Variants in FOXN3 observed in about 807,000 individuals in gnomAD.
FOXN3 encodes forkhead box N3, also known as forkhead box protein N3.
FOXN3 carries 7 observed loss-of-function variants against 38.4 expected under a neutral mutation model. The observed-to-expected ratio is 0.18, with a 90% confidence interval of 0.10 to 0.34. The LOEUF (loss-of-function observed/expected upper bound fraction) is 0.34. Among genes scored for constraint, FOXN3 ranks in the 10% least tolerant of loss-of-function variants. The pLI is 1.00. For missense variants in FOXN3, 456 were observed against 613.4 expected, an observed-to-expected ratio of 0.74 and a Z score of 2.71; for synonymous variants, 230 against 242.2, an observed-to-expected ratio of 0.95 and a Z score of 0.47.
At chr14:89,369,879 T>A (rs755338408) in intron 2 of FOXN3, among the ~76,000 whole-genome samples, 4 of 152,202 alleles carry the variant, frequency 2.6e-5, no homozygotes, top group Non-Finnish European at 4.4e-5. Context: ...GAAAGTAAAG[T>A]TCAGACAAGT....
chr14:89,181,066 GCA>G (rs900899439), intron 4 of FOXN3, among the ~76,000 whole-genome samples: 12 of 148,502 alleles, frequency 8.1e-5, no homozygotes, highest in African/African-American at 2.7e-4. Flanking sequence ...ATACAGACAT[GCA>G]CACACACACG....
chr14:89,162,432 C>G lies in FOXN3; in HGVS notation c.1389G>C (p.Lys463Asn). The change falls in exon 6 of 6, where the codon AAG becomes AAC. Residue 463 changes from lysine to asparagine, a missense_variant. Around this residue, in one of 3 missense-constraint regions of FOXN3, gnomAD observed 386 missense variants for 505.2 expected, o/e 0.76. Transcript: ENST00000557258. This position sits in a 1 kb window ranked among gnomAD's most constrained non-coding sequence, Gnocchi z 7.2. ...NRTAKGQKEQKETTKN is the reference protein window; with the variant it reads ...NRTAKGQKEQNETTKN The stretch of plus-strand genomic sequence containing the variant: ...CTTGTTTTTAATTTTTTGTGGTTTC[C>G]TTTTGCTCTTTCTGCCCCTTTGCCG... 1 of 1,565,142 alleles carries G rather than the reference C, an allele frequency of 6.4e-7. No homozygotes were observed. Among genetic ancestry groups the G allele is most frequent in the Non-Finnish European group, 8.6e-7 (1 of 1,156,650 alleles).
At chr14:89,203,085 TG>T (rs144245617) in intron 4 of FOXN3, among the ~76,000 whole-genome samples, 584 of 29,110 alleles carry the variant, frequency 0.02, 4 homozygotes, top group Middle Eastern at 0.2. Flanking sequence ...CCAGGGAATG[TG>T]GGGGGGGTGG....
At chr14:89,613,594 T>C (rs1352516568) in intron 1 of FOXN3, among the ~76,000 whole-genome samples, 1 of 152,208 alleles carries the variant, frequency 6.6e-6, no homozygotes, top group East Asian at 1.9e-4. Flanking sequence ...GCTAGTTTCA[T>C]CTTTGTAAAG....
At chr14:89,310,171 A>G (rs1233724813) in intron 3 of FOXN3, among the ~76,000 whole-genome samples, 2 of 152,182 alleles carry the variant, frequency 1.3e-5, no homozygotes, top group Non-Finnish European at 2.9e-5. Context: ...GCTACAATGA[A>G]TAGCTTAGGG....
At chr14:89,517,873 G>A (rs1894237335) in intron 1 of FOXN3, among the ~76,000 whole-genome samples, 1 of 152,136 alleles carries the variant, frequency 6.6e-6, no homozygotes, top group Non-Finnish European at 1.5e-5. Context: ...CGTGTGTATT[G>A]GCCTGTAAGT....
chr14:89,471,859 G>A (rs888461233), intron 1 of FOXN3, among the ~76,000 whole-genome samples: 8 of 152,162 alleles, frequency 5.3e-5, no homozygotes, highest in Admixed American at 1.3e-4. Context: ...CCTCGGCCAC[G>A]GAGATGAGGA....
At chr14:89,583,148 G>A (rs79095230) in intron 1 of FOXN3, among the ~76,000 whole-genome samples, 3,718 of 152,270 alleles carry the variant, frequency 0.024, 57 homozygotes, top group African/African-American at 0.034. Context: ...TGACTGTAAT[G>A]AGTAGATCAT....
intron 1 of FOXN3, among the ~76,000 whole-genome samples, chr14:89,492,959 G>A (rs1461676633): frequency 1.3e-5 from 2 of 152,114 alleles, no homozygotes; most frequent in African/African-American, 2.4e-5. Flanking sequence ...CAGAAACTCC[G>A]AGCGCCTCAG....
chr14:89,617,059 A>G (rs984906685), intron 1 of FOXN3, among the ~76,000 whole-genome samples: 33 of 152,026 alleles, frequency 2.2e-4, no homozygotes, highest in African/African-American at 7.0e-4. Context: ...TGGTCATGGT[A>G]GAGTATGTAT....
chr14:89,589,440 C>A lies in FOXN3; in HGVS notation c.-15+29588G>T, dbSNP rs182307307. ...ATCTCAAGATGGCAGAAGGCACCAC[C>A]AGTTCCTTGAGCCTGGTCGTGGTAG... On this transcript the variant is annotated intron_variant, in intron 1 of 6. Coordinates refer to the FOXN3 transcript ENST00000345097. Among the ~76,000 whole-genome samples the A allele has an allele frequency of 1.1e-4, 17 of 152,298 alleles. No individual in the cohort carries two copies. In the East Asian group the frequency reaches 3.3e-3, roughly 29 times the overall value.
chr14:89,486,771 C>T (rs752691178), intron 1 of FOXN3: 16 of 152,152 alleles, frequency 1.1e-4, no homozygotes, highest in Non-Finnish European at 1.5e-4. Flanking sequence ...TAGAAAATGA[C>T]GCACTTCAGT....
At chr14:89,546,329 C>CTTTCTTTTTTTTTTTTTT (rs1555359724) in intron 1 of FOXN3, among the ~76,000 whole-genome samples, 19 of 78,330 alleles carry the variant, frequency 2.4e-4, no homozygotes, top group African/African-American at 1.0e-3. Context: ...TTTCCTTTTT[C>CTTTCTTTTTTTTTTTTTT]TTTTTTTTTT....
intron 2 of FOXN3, among the ~76,000 whole-genome samples, chr14:89,405,159 CAG>C (rs1204418212): frequency 6.6e-6 from 1 of 152,040 alleles, no homozygotes; most frequent in African/African-American, 2.4e-5. Flanking sequence ...CTTTTTGAGA[CAG>C]AGTCTCACTC....
In FOXN3 at chr14:89,511,141, T is replaced by TTTCTTTCTTTCTTTCTTTCTTTC. The variant is rs1555358045; in HGVS notation, c.-14-98652_-14-98651insGAAAGAAAGAAAGAAAGAAAGAA. Among the ~76,000 whole-genome samples, 2 of 20,996 alleles carry TTTCTTTCTTTCTTTCTTTCTTTC rather than the reference T, an allele frequency of 9.5e-5. 1 individual carries two copies. Among genetic ancestry groups the TTTCTTTCTTTCTTTCTTTCTTTC allele is most frequent in the African/African-American group, 1.9e-4 (2 of 10,706 alleles). The allele number at this position is 20,996 out of a possible 152,430, so 13.8% of individuals were successfully genotyped here. On this transcript the variant is annotated intron_variant, in intron 1 of 6. Transcript: ENST00000345097. ...CTTGGTGTCTTTCTTTCTTTCTTTC[T>TTTCTTTCTTTCTTTCTTTCTTTC]TTTCTTTCTTTCTTTCTTTCTTTCT...
chr14:89,205,918 G>A (rs1357067158), intron 4 of FOXN3, among the ~76,000 whole-genome samples: 1 of 152,210 alleles, frequency 6.6e-6, no homozygotes, highest in East Asian at 1.9e-4. Flanking sequence ...ACGCGCCCTG[G>A]GAGCGGGTTA....
chr14:89,295,901 T>C lies in FOXN3; in HGVS notation c.681-14887A>G, dbSNP rs551539619. Among the ~76,000 whole-genome samples the C allele has an allele frequency of 2.4e-4, 37 of 151,712 alleles. 1 individual carries two copies. Among genetic ancestry groups the C allele is most frequent in the African/African-American group, 8.5e-4 (35 of 41,348 alleles). ...AGTGAGCCACCATGCCCGGCCAGGA[T>C]TTTTAAAACATCTCTTATAAACATA... is the stretch of plus-strand genomic sequence containing the variant. On this transcript the variant is annotated intron_variant, in intron 3 of 5. Transcript: ENST00000557258.
chr14:89,419,111 G>C (rs773149103), upstream of FOXN3: 1 of 455,832 alleles, frequency 2.2e-6, no homozygotes, highest in South Asian at 1.5e-5. Context: ...GTGTGTTTTT[G>C]CTTCTTGCAT....
intron 1 of FOXN3, among the ~76,000 whole-genome samples, chr14:89,591,722 C>T (rs1895956271): frequency 6.6e-6 from 1 of 152,122 alleles, no homozygotes; most frequent in Non-Finnish European, 1.5e-5. Flanking sequence ...CCCAGGAGTT[C>T]AACGCCGGCC....
Sources: gnomAD v4.1 joint callset for allele counts (sites outside exome capture counted in the v4.1 genomes callset) on GRCh38, gnomAD v4.1.1 for gene constraint, gnomAD v4.1.1 regional missense constraint, Gnocchi (gnomAD v3.1) non-coding constraint, MANE v1.5 for transcripts, NCBI Gene and HGNC (gene_info 2026-07-23, HGNC 2026-07-21) for gene names.